GABRG3: variants seen among roughly 807,000 people sequenced by gnomAD.
GABRG3 encodes gamma-aminobutyric acid receptor subunit gamma-3.
In GABRG3, 25 loss-of-function variants were observed where a neutral mutation model predicts 48.8. That is an observed-to-expected ratio of 0.51 (90% confidence interval 0.37 to 0.72). The LOEUF (loss-of-function observed/expected upper bound fraction) is 0.72, where lower values mean the gene tolerates loss of function less well. Among genes scored for constraint, GABRG3 ranks in the 30% least tolerant of loss-of-function variants. The pLI, the probability that GABRG3 is intolerant of heterozygous loss-of-function variation, is 0.00. For synonymous variants in GABRG3, 227 were observed against 217.6 expected (o/e 1.04, Z -0.38); for missense variants, 394 against 577.9 (o/e 0.68, Z 3.26).
chr15:27,260,596 T>C (rs1890740677), intron 3 of GABRG3, among the ~76,000 whole-genome samples: 1 of 152,166 alleles, frequency 6.6e-6, no homozygotes, highest in Non-Finnish European at 1.5e-5. Context: ...CACCATGCCA[T>C]TTTATCTCAG....
chr15:27,220,364 T>C (rs1159160792), intron 3 of GABRG3, among the ~76,000 whole-genome samples: 2 of 152,092 alleles, frequency 1.3e-5, no homozygotes, highest in Non-Finnish European at 2.9e-5. Flanking sequence ...CCTTAACATA[T>C]GGTAGTTAGG....
intron 3 of GABRG3, among the ~76,000 whole-genome samples, chr15:27,218,826 G>A (rs1889353885): frequency 6.6e-6 from 1 of 152,192 alleles, no homozygotes; most frequent in Non-Finnish European, 1.5e-5. Context: ...ACCTTCCAGA[G>A]GAGTCTGCCT....
chr15:27,540,212 CA>C lies in GABRG3; in HGVS notation c.*7334del, dbSNP rs1378076593. 2.6e-5 allele frequency: 4 copies of C among 152,230 alleles called. No individual in the cohort carries two copies. Among genetic ancestry groups the C allele is most frequent in the Non-Finnish European group, 5.9e-5 (4 of 68,042 alleles). The allele number at this position is 152,230 out of a possible 1,614,324, so 9.4% of individuals were successfully genotyped here. The stretch of plus-strand genomic sequence containing the variant: ...GCCTGCCCTGCCTCAATCAGAATTT[CA>C]AATTACTATTTAGAAGAACATTCCA... On this transcript the variant is annotated 3_prime_UTR_variant, in exon 10 of 10. Coordinates refer to ENST00000615808, the MANE Select transcript of GABRG3 (RefSeq NM_033223.5).
In GABRG3 at chr15:27,541,375, C is replaced by T. The variant is rs903565418; in HGVS notation, c.*8494C>T. The T allele has an allele frequency of 3.3e-5, 5 of 152,778 alleles. No individual in the cohort carries two copies. Among genetic ancestry groups the T allele is most frequent in the African/African-American group, 1.2e-4 (5 of 41,590 alleles). The allele number at this position is 152,778 out of a possible 1,614,324, so 9.5% of individuals were successfully genotyped here. On this transcript the variant is annotated 3_prime_UTR_variant, in exon 10 of 10. Coordinates refer to ENST00000615808, the MANE Select transcript of GABRG3 (RefSeq NM_033223.5). ...GCAGCCGGGGTGTGGGCAGGGTCCTCTCTCTGTGAAGCCTGTGTGGGAGGT... is the reference window on the plus strand; with the variant it reads ...GCAGCCGGGGTGTGGGCAGGGTCCTTTCTCTGTGAAGCCTGTGTGGGAGGT...
At chr15:27,094,549 G>C (rs1897242124) in intron 3 of GABRG3, among the ~76,000 whole-genome samples, 1 of 152,188 alleles carries the variant, frequency 6.6e-6, no homozygotes, top group Non-Finnish European at 1.5e-5. Flanking sequence ...GGCCTGAGGA[G>C]GCACAGATTC....
intron 5 of GABRG3, among the ~76,000 whole-genome samples, chr15:27,387,594 A>G (rs996221378): frequency 2.0e-5 from 3 of 151,730 alleles, no homozygotes; most frequent in Non-Finnish European, 2.9e-5. Flanking sequence ...ATGTGTGAAT[A>G]TGTTTTCTTC....
At chr15:27,441,196 T>C (rs1888773796) in intron 5 of GABRG3, among the ~76,000 whole-genome samples, 1 of 152,236 alleles carries the variant, frequency 6.6e-6, no homozygotes, top group South Asian at 2.1e-4. Flanking sequence ...TTCTGAAATA[T>C]TGCTGCAATT....
chr15:27,288,765 A>T (rs1466501245), intron 3 of GABRG3, among the ~76,000 whole-genome samples: 5 of 151,960 alleles, frequency 3.3e-5, no homozygotes, highest in Non-Finnish European at 7.4e-5. Context: ...TAATGGTCTT[A>T]TTTATCCAGT....
At chr15:27,445,568 A>G (rs541698086) in intron 5 of GABRG3, among the ~76,000 whole-genome samples, 1 of 152,224 alleles carries the variant, frequency 6.6e-6, no homozygotes, top group African/African-American at 2.4e-5. Context: ...GGTTTAAAAT[A>G]TGTCCTATAT....
At position 27,307,030 on chromosome 15, in the gene GABRG3, ATG is replaced by A. The variant is rs1272421423; in HGVS notation, c.271-19777_271-19776del. Among the ~76,000 whole-genome samples, 1,085 of 114,158 alleles carry A rather than the reference ATG, an allele frequency of 9.5e-3. 7 individuals are homozygous for A. The highest frequency in any genetic ancestry group is 0.012 in the Middle Eastern group (1 of 82). The allele number at this position is 114,158 out of a possible 152,430, so 74.9% of individuals were successfully genotyped here. On this transcript the variant is annotated intron_variant, in intron 3 of 9. Transcript: ENST00000615808. ...TGTATAAACATGTTTATATATAAAC[ATG>A]TATAAAATAAACATGTTTATATATA...
At chr15:27,320,558 T>C (rs903764071) in intron 3 of GABRG3, among the ~76,000 whole-genome samples, 2 of 152,150 alleles carry the variant, frequency 1.3e-5, no homozygotes, top group African/African-American at 4.8e-5. Flanking sequence ...TAAGTAAACT[T>C]CTAAAAACTA....
At position 27,305,183 on chromosome 15, in the gene GABRG3, A is replaced by G. The variant is rs376952122; in HGVS notation, c.271-21626A>G. On this transcript the variant is annotated intron_variant, in intron 3 of 9. Coordinates refer to ENST00000615808, the MANE Select transcript of GABRG3 (RefSeq NM_033223.5). ...TTAGTTGAAGAGACGATTTTTCTCC[A>G]TTGAATTATTTTGGTACTCTAATCA... Among the ~76,000 whole-genome samples, 23 of 151,844 alleles carry G rather than the reference A, an allele frequency of 1.5e-4. No individual in the cohort carries two copies. In the South Asian group the frequency reaches 4.4e-3, roughly 29 times the overall value.
chr15:27,334,324 A>G (rs1337220078), intron 5 of GABRG3, among the ~76,000 whole-genome samples: 1 of 152,176 alleles, frequency 6.6e-6, no homozygotes, highest in Non-Finnish European at 1.5e-5. Context: ...ACACTTCTGT[A>G]AGCTAATATA....
intron 2 of GABRG3, among the ~76,000 whole-genome samples, chr15:26,998,650 G>A (rs1028449127): frequency 6.6e-6 from 1 of 152,168 alleles, no homozygotes; most frequent in Non-Finnish European, 1.5e-5. Flanking sequence ...GAAAAATGGG[G>A]CTGGAGAGAG....
In GABRG3 at chr15:27,236,848, C is replaced by T. The variant is rs1279963788; in HGVS notation, c.271-89961C>T. Among the ~76,000 whole-genome samples the T allele has an allele frequency of 1.3e-5, 2 of 152,212 alleles. No homozygotes were observed. The highest frequency in any genetic ancestry group is 2.1e-4 in the South Asian group (1 of 4,836). ...CACGTGTGTTTGTTTTATCAATATT[C>T]GTGATTCCTCCAATAGCTTATTGAA... On this transcript the variant is annotated intron_variant, in intron 3 of 9. Coordinates refer to ENST00000615808, the MANE Select transcript of GABRG3 (RefSeq NM_033223.5). The surrounding 1 kb of genome is among the most constrained non-coding windows in gnomAD (Gnocchi z 4.4).
intron 3 of GABRG3, among the ~76,000 whole-genome samples, chr15:27,086,116 GTT>G (rs5811477): frequency 0.23 from 32,709 of 139,394 alleles, 3,640 homozygotes; most frequent in Middle Eastern, 0.3. Context: ...AGTTTTGGCA[GTT>G]TTTTTTTTTT....
chr15:27,061,518 A>G (rs1474892908), intron 3 of GABRG3, among the ~76,000 whole-genome samples: 1 of 151,284 alleles, frequency 6.6e-6, no homozygotes, highest in Non-Finnish European at 1.5e-5. Context: ...GTTCAGCTGC[A>G]TAAAGCCCTC....
chr15:26,992,005 C>T (rs921405900), intron 2 of GABRG3, among the ~76,000 whole-genome samples: 1 of 152,204 alleles, frequency 6.6e-6, no homozygotes, highest in African/African-American at 2.4e-5. Flanking sequence ...AGGCATGAGC[C>T]ACTGCGCCCA....
At chr15:27,221,555 C>G in intron 3 of GABRG3, among the ~76,000 whole-genome samples, 1 of 152,198 alleles carries the variant, frequency 6.6e-6, no homozygotes, top group Admixed American at 6.5e-5. Context: ...GGTGGTCTCT[C>G]AGAGAGACCC....
Sources: gnomAD v4.1 joint callset for allele counts (sites outside exome capture counted in the v4.1 genomes callset) on GRCh38, gnomAD v4.1.1 for gene constraint, Gnocchi (gnomAD v3.1) non-coding constraint, MANE v1.5 for transcripts, NCBI Gene and HGNC (gene_info 2026-07-23, HGNC 2026-07-21) for gene names.